The following PLXNB1 variants were observed in gnomAD, a reference collection of about 807,000 sequenced individuals.
PLXNB1 encodes the protein plexin B1, also known as plexin-B1.
Under a neutral mutation model 209.4 loss-of-function variants are expected in PLXNB1, and 106 were observed. The ratio of observed to expected loss-of-function variants is 0.51; its 90% CI spans 0.43 to 0.59. The LOEUF (loss-of-function observed/expected upper bound fraction) is 0.59, where lower values mean the gene tolerates loss of function less well. PLXNB1 is among the 20% of genes least tolerant of loss of function. The pLI is 0.00. For missense variants in PLXNB1, 2,357 were observed against 2,853.2 expected, an observed-to-expected ratio of 0.83 and a Z score of 3.96; for synonymous variants, 1,167 against 1,183.2, an observed-to-expected ratio of 0.99 and a Z score of 0.28.
intron 3 of PLXNB1, 27 bp downstream of exon 3, chr3:48,423,478 G>A: frequency 6.3e-7 from 1 of 1,598,696 alleles, no homozygotes; most frequent in Non-Finnish European, 8.6e-7. Flanking sequence ...CAGAGAGGCG[G>A]AAAAGTGGGG....
In PLXNB1 at chr3:48,424,156, C is replaced by A. The variant is rs757308406; in HGVS notation, c.456G>T (p.Thr152=). 3 of 1,571,898 alleles carry A rather than the reference C, an allele frequency of 1.9e-6. No individual in the cohort carries two copies. Among genetic ancestry groups the A allele is most frequent in the Admixed American group, 1.8e-5 (1 of 55,244 alleles). Residue 152 remains threonine (T), a synonymous_variant, in exon 3 of 38, where the codon ACG becomes ACT. Coordinates refer to ENST00000296440, the MANE Select transcript of PLXNB1 (RefSeq NM_001130082.3). ...CCAAGCCCTGGGCTACCAGCCCCAC[C>A]GTGCTGACCGCAGGATCATTGGCAG... The part of the protein sequence containing the change: ...YVAANDPAVS[T]VGLVAQGLAG...
Position 48,410,789 on chromosome 3 carries a change from G to A in PLXNB1, c.5416+79C>T. The A allele has an allele frequency of 7.2e-7, 1 of 1,388,790 alleles. No homozygotes were observed. Among genetic ancestry groups the A allele is most frequent in the South Asian group, 1.3e-5 (1 of 75,818 alleles). The allele number at this position is 1,388,790 out of a possible 1,614,324, so 86.0% of individuals were successfully genotyped here. A position where few individuals can be genotyped will look rare whatever the true frequency, so the allele number is the denominator to read the frequency against. On this transcript the variant is annotated intron_variant, in intron 29 of 37. Coordinates refer to ENST00000296440, the MANE Select transcript of PLXNB1 (RefSeq NM_001130082.3). The surrounding 1 kb of genome is among the most constrained non-coding windows in gnomAD (Gnocchi z 6.4). The stretch of plus-strand genomic sequence containing the variant: ...GCATCCTCCCCACCCTGAGTGATGA[G>A]TTGTCCCTGCAGAGTTGGTCCGGGG...
rs769163206 is a variant in PLXNB1, at chr3:48,409,282, C to G, written c.6087+47G>C. 1 of 1,579,358 alleles carries G rather than the reference C, an allele frequency of 6.3e-7. No individual in the cohort carries two copies. The highest frequency in any genetic ancestry group is 1.6e-5 in the African/African-American group (1 of 64,232). ...CTGGAATCTGAGTGCACACACAGCA[C>G]TGTCCACCCTCACCCATCCCCCCGT... On this transcript the variant is annotated intron_variant, in intron 34 of 37. Transcript: ENST00000296440. The surrounding 1 kb of genome is among the most constrained non-coding windows in gnomAD (Gnocchi z 5.8).
Position 48,428,441 on chromosome 3 carries a change from G to A in PLXNB1, c.-60+1567C>T, listed in dbSNP as rs1402228284. ...GGCCACCCTACTCTGAACCTTTTCA[G>A]GGGGCGCAAGACTGCCCAACTTCTG... is the stretch of plus-strand genomic sequence containing the variant. On this transcript the variant is annotated intron_variant, in intron 1 of 37. Transcript: ENST00000296440. Among the ~76,000 whole-genome samples the A allele has an allele frequency of 2.0e-5, 3 of 152,234 alleles. No homozygotes were observed. In the East Asian group the frequency reaches 5.8e-4, roughly 29 times the overall value.
chr3:48,419,406 C>T lies in PLXNB1; in HGVS notation c.2710-40G>A. On this transcript the variant is annotated intron_variant, in intron 11 of 37. Coordinates refer to ENST00000296440, the MANE Select transcript of PLXNB1 (RefSeq NM_001130082.3). The surrounding 1 kb of genome is among the most constrained non-coding windows in gnomAD (Gnocchi z 5.7). ...GGCAAGGCAGTCTATGGAGCCCACC[C>T]TGCCCAGCTCAGCCCTCTGCCTTGC... 6.5e-7 allele frequency: 1 copy of T among 1,527,990 alleles called. No individual in the cohort carries two copies. The highest frequency in any genetic ancestry group is 8.8e-7 in the Non-Finnish European group (1 of 1,135,486). 94.7% of individuals were successfully genotyped at this position (1,527,990 alleles called of 1,614,324 possible).
Position 48,416,154 on chromosome 3 carries a change from TG to T in PLXNB1, c.3493del (p.His1165IlefsTer18). 6.3e-7 allele frequency: 1 copy of T among 1,599,374 alleles called. No homozygotes were observed. Among genetic ancestry groups the T allele is most frequent in the Non-Finnish European group, 8.5e-7 (1 of 1,173,282 alleles). On this transcript the variant is annotated frameshift_variant, in exon 18 of 38. Transcript: ENST00000296440. LOFTEE classifies it high-confidence loss of function. This position sits in a 1 kb window ranked among gnomAD's most constrained non-coding sequence, Gnocchi z 4.1. The part of the protein sequence containing the change: ...HDFAYQDPKV[H>X]SIFPARGPRA... ...GGGGCCGCGGGCCGGGAAGATGGAATGGACCTTCGGATCCTGTGGGACAGAC... is the reference window on the plus strand; with the variant it reads ...GGGGCCGCGGGCCGGGAAGATGGAATGACCTTCGGATCCTGTGGGACAGAC...
chr3:48,425,763 C>G (rs1383447465), intron 1 of PLXNB1, among the ~76,000 whole-genome samples: 1 of 151,634 alleles, frequency 6.6e-6, no homozygotes, highest in Non-Finnish European at 1.5e-5. Flanking sequence ...AGTCGCACAG[C>G]AAGATACATA....
rs541239578 is a variant in PLXNB1 at position 48,419,107 on chromosome 3, C to G, written c.2833-68G>C. The G allele has an allele frequency of 7.2e-4, 1,147 of 1,595,322 alleles. No individual in the cohort carries two copies. The highest frequency in any genetic ancestry group is 9.3e-4 in the Non-Finnish European group (1,087 of 1,167,150). Reference sequence around the variant, plus strand: ...GGCCCAGGGAGTCCTGCAGGTCACCCAACAGATCCCCCAGCACAGCTTCTG... The same window carrying G: ...GGCCCAGGGAGTCCTGCAGGTCACCGAACAGATCCCCCAGCACAGCTTCTG... On this transcript the variant is annotated intron_variant, in intron 12 of 37. Transcript: ENST00000296440. This position sits in a 1 kb window ranked among gnomAD's most constrained non-coding sequence, Gnocchi z 5.7.
At position 48,424,501 on chromosome 3, in the gene PLXNB1, G is replaced by C. The variant is rs752550208; in HGVS notation, c.111C>G (p.His37Gln). 4 of 1,603,664 alleles carry C rather than the reference G, an allele frequency of 2.5e-6. No individual in the cohort carries two copies. The highest frequency in any genetic ancestry group is 3.4e-6 in the Non-Finnish European group (4 of 1,175,232). Residue 37 changes from histidine (H) to glutamine (Q), a missense_variant, in exon 3 of 38, where the codon CAC becomes CAG. His to Gln is a conservative substitution (Grantham distance 24, BLOSUM62 0). Around this residue, in one of 7 missense-constraint regions of PLXNB1, gnomAD observed 107 missense variants for 167.2 expected, o/e 0.64. Coordinates refer to ENST00000296440, the MANE Select transcript of PLXNB1 (RefSeq NM_001130082.3). ...TGCCTGAGGTGGGGTCCCTTGCCAGGTGCTGCAGATACGTGCCATTGGGAG... is the reference window on the plus strand; with the variant it reads ...TGCCTGAGGTGGGGTCCCTTGCCAGCTGCTGCAGATACGTGCCATTGGGAG... ...AFTPNGTYLQHLARDPTSGTL... is the reference protein window; with the variant it reads ...AFTPNGTYLQQLARDPTSGTL...
Position 48,418,969 on chromosome 3 carries a change from T to G in PLXNB1, c.2903A>C (p.Glu968Ala). Residue 968 changes from glutamate to alanine, a missense_variant, in exon 13 of 38, where the codon GAG becomes GCG. Coordinates refer to ENST00000296440, the MANE Select transcript of PLXNB1 (RefSeq NM_001130082.3). This position sits in a 1 kb window ranked among gnomAD's most constrained non-coding sequence, Gnocchi z 6.6. ...GLEVVVEARVECEPPPDTQCH... is the reference protein window; with the variant it reads ...GLEVVVEARVACEPPPDTQCH... ...CTGGGTATCTGGAGGTGGCTCACAC[T>G]CGACCCGGGCCTCAACCACCACCTC... The G allele has an allele frequency of 6.2e-7, 1 of 1,614,016 alleles. No individual in the cohort carries two copies. Among genetic ancestry groups the G allele is most frequent in the African/African-American group, 1.3e-5 (1 of 75,016 alleles).
rs547180148 is a variant in PLXNB1, at chr3:48,403,886, T to A, written c.*600A>T. ...TGTTATCCTTTAATGAAAAGCTGGG[T>A]CAATGGAGTCACCACTCTCCCCAAG... On this transcript the variant is annotated 3_prime_UTR_variant, in exon 38 of 38. Transcript: ENST00000296440. The A allele has an allele frequency of 6.5e-6, 1 of 152,888 alleles. No homozygotes were observed. Among genetic ancestry groups the A allele is most frequent in the South Asian group, 2.1e-4 (1 of 4,818 alleles). The allele number at this position is 152,888 out of a possible 1,614,324, so 9.5% of individuals were successfully genotyped here.
rs766775375 is a variant in PLXNB1, at chr3:48,415,019, T to C, written c.3989A>G (p.Asn1330Ser). Residue 1330 changes from asparagine (N) to serine (S), a missense_variant, in exon 21 of 38, where the codon AAC (asparagine) becomes AGC (serine). Asn to Ser is a conservative substitution (Grantham distance 46, BLOSUM62 1). Around this residue, in one of 7 missense-constraint regions of PLXNB1, gnomAD observed 743 missense variants for 896.2 expected, o/e 0.83. Coordinates refer to ENST00000296440, the MANE Select transcript of PLXNB1 (RefSeq NM_001130082.3). The surrounding 1 kb of genome is among the most constrained non-coding windows in gnomAD (Gnocchi z 5.0). The part of the protein sequence containing the change: ...SQQFEEPCHV[N>S]SSQLITCRTP... ...GCGGCACGTGATGAGCTGGGAGGAGTTGACATGGCACGGCTCCTCAAACTG... is the reference window on the plus strand; with the variant it reads ...GCGGCACGTGATGAGCTGGGAGGAGCTGACATGGCACGGCTCCTCAAACTG... 49 of 1,612,106 alleles carry C rather than the reference T, an allele frequency of 3.0e-5. No individual in the cohort carries two copies. Among genetic ancestry groups the C allele is most frequent in the Admixed American group, 1.7e-4 (10 of 59,896 alleles).
Position 48,418,738 on chromosome 3 carries a change from T to A in PLXNB1, c.2955+179A>T, listed in dbSNP as rs2038276423. On this transcript the variant is annotated intron_variant, in intron 13 of 37. Transcript: ENST00000296440. This position sits in a 1 kb window ranked among gnomAD's most constrained non-coding sequence, Gnocchi z 6.6. ...GGGGTCTCAAGTTAGAGTTCAGAGC[T>A]GGGATGCAAGGACTCCACGGGGCAC... is the stretch of plus-strand genomic sequence containing the variant. Among the ~76,000 whole-genome samples the A allele has an allele frequency of 6.6e-6, 1 of 152,048 alleles. No individual in the cohort carries two copies. Among genetic ancestry groups the A allele is most frequent in the African/African-American group, 2.4e-5 (1 of 41,394 alleles).
rs2039098828 is a variant in PLXNB1 at position 48,429,778 on chromosome 3, T to C, written c.-60+230A>G. Among the ~76,000 whole-genome samples, 1 of 151,942 alleles carries C rather than the reference T, an allele frequency of 6.6e-6. No homozygotes were observed. On this transcript the variant is annotated intron_variant, in intron 1 of 37. Coordinates refer to ENST00000296440, the MANE Select transcript of PLXNB1 (RefSeq NM_001130082.3). This position sits in a 1 kb window ranked among gnomAD's most constrained non-coding sequence, Gnocchi z 6.4. ...CTGCTCGCCTCCTTGGAACCGGAAC[T>C]GGGAACTTTCCTGGTTGCCAGGAGC...
In PLXNB1 at chr3:48,418,144, CCTCT is replaced by C; in HGVS notation, c.3222+43_3222+46del. The C allele has an allele frequency of 1.9e-6, 3 of 1,609,320 alleles. No homozygotes were observed. The highest frequency in any genetic ancestry group is 1.1e-5 in the South Asian group (1 of 90,814). ...CCCACCTTTGGGCCCCCACACCCTC[CCTCT>C]AAGGGCAGCACTGAGGAAGGGATGG... On this transcript the variant is annotated intron_variant, in intron 15 of 37. Transcript: ENST00000296440. The surrounding 1 kb of genome is among the most constrained non-coding windows in gnomAD (Gnocchi z 6.6).
rs769574792 is a variant in PLXNB1 at position 48,412,629 on chromosome 3, A to G, written c.4855-9T>C. The G allele has an allele frequency of 9.9e-6, 16 of 1,612,814 alleles. No homozygotes were observed. Among genetic ancestry groups the G allele is most frequent in the Non-Finnish European group, 1.4e-5 (16 of 1,179,612 alleles). On this transcript the variant is annotated splice_polypyrimidine_tract_variant and intron_variant, in intron 25 of 37. Transcript: ENST00000296440. ...TCCAGCGTGTGGATGAACTGCAGCC[A>G]AAGAGAAGGGATGGGAAAAGGGGTT... is the stretch of plus-strand genomic sequence containing the variant.
At position 48,418,378 on chromosome 3, in the gene PLXNB1, G is replaced by C; in HGVS notation, c.3050-15C>G. 1 of 1,613,662 alleles carries C rather than the reference G, an allele frequency of 6.2e-7. No homozygotes were observed. Among genetic ancestry groups the C allele is most frequent in the Non-Finnish European group, 8.5e-7 (1 of 1,180,012 alleles). ...ATACAGTACCACTGGGGGTGGCAGA[G>C]ACACACGTGAGAGGCAGGCCTGGGA... On this transcript the variant is annotated splice_polypyrimidine_tract_variant and intron_variant, in intron 14 of 37. Transcript: ENST00000296440. The surrounding 1 kb of genome is among the most constrained non-coding windows in gnomAD (Gnocchi z 6.6).
In PLXNB1 at chr3:48,417,800, G is replaced by C. The variant is rs1222466355; in HGVS notation, c.3374+111C>G. 8.2e-7 allele frequency: 1 copy of C among 1,212,172 alleles called. No homozygotes were observed. Among genetic ancestry groups the C allele is most frequent in the African/African-American group, 1.5e-5 (1 of 66,306 alleles). 75.1% of individuals were successfully genotyped at this position (1,212,172 alleles called of 1,614,324 possible). On this transcript the variant is annotated intron_variant, in intron 16 of 37. Coordinates refer to ENST00000296440, the MANE Select transcript of PLXNB1 (RefSeq NM_001130082.3). This position sits in a 1 kb window ranked among gnomAD's most constrained non-coding sequence, Gnocchi z 4.4. ...CTCGGGCATTGTGGCCAGGATCAAG[G>C]AACAGGGAGAGAGGGGGGCAGATGA...
intron 34 of PLXNB1, 131 bp from the exon 35 acceptor site, chr3:48,407,222 C>G (rs138777977): frequency 5.0e-6 from 4 of 795,086 alleles, no homozygotes; most frequent in Non-Finnish European, 8.2e-6. Flanking sequence ...TCCCAGGAAG[C>G]CCCTGAGTCC....
Sources: allele counts gnomAD v4.1 joint callset (sites outside exome capture counted in the v4.1 genomes callset), GRCh38; gene constraint gnomAD v4.1.1; regional missense constraint gnomAD v4.1.1; non-coding constraint Gnocchi (gnomAD v3.1); transcripts MANE v1.5; gene names NCBI Gene and HGNC (gene_info 2026-07-23, HGNC 2026-07-21).